RGPD3: variants seen among roughly 807,000 people sequenced by gnomAD.
RGPD3 encodes RANBP2 like and GRIP domain containing 3.
RGPD3 carries 62 observed loss-of-function variants against 154.5 expected under a neutral mutation model. The ratio of observed to expected loss-of-function variants is 0.40; its 90% CI spans 0.33 to 0.50. RGPD3 has a LOEUF of 0.50. Ranked by LOEUF, RGPD3 falls within the 20% of genes least tolerant of loss-of-function variation. The pLI is 0.59. For synonymous variants in RGPD3, 308 were observed against 607.0 expected (o/e 0.51, Z 7.24); for missense variants, 919 against 1,716.8 (o/e 0.54, Z 8.21).
In RGPD3 at chr2:106,409,168, C is replaced by T. The variant is rs1358502605; in HGVS notation, c.5266+3916G>A. On this transcript the variant is annotated intron_variant, in intron 22 of 22. Transcript: ENST00000409886. ...AAAGGTACTTGTTTGCTCTGATGGG[C>T]CCTGTTTCCTTCAGTGCCAGGAAGA... Among the ~76,000 whole-genome samples, 7 of 152,244 alleles carry T rather than the reference C, an allele frequency of 4.6e-5. No homozygotes were observed. The East Asian group carries it at 1.2e-3, about 25-fold the overall frequency.
chr2:106,468,153 C>A (rs569810464), intron 1 of RGPD3, 64 bp downstream of exon 1: 44 of 1,532,534 alleles, frequency 2.9e-5, no homozygotes, highest in African/African-American at 2.0e-4. Context: ...AGGCCGCCGC[C>A]GGGCCGGGTC....
At chr2:106,463,345 G>A (rs185920101) in intron 1 of RGPD3, among the ~76,000 whole-genome samples, 1,768 of 150,668 alleles carry the variant, frequency 0.012, no homozygotes, top group African/African-American at 0.041. Context: ...GCATGGTGGC[G>A]CACACCTGTA....
At chr2:106,468,488 T>TCTTGGCAGCACC (rs1459211573), upstream of RGPD3, 18 of 1,069,196 alleles carry the variant, frequency 1.7e-5, no homozygotes, top group Non-Finnish European at 2.2e-5. Context: ...TCGGCTGGGC[T>TCTTGGCAGCACC]CTTGGCAGCA....
Position 106,404,026 on chromosome 2 carries a change from C to T in RGPD3, c.*1193G>A, listed in dbSNP as rs1233671755. 7.4e-6 allele frequency among the ~76,000 whole-genome samples: 1 copy of T among 135,434 alleles called. No homozygotes were observed. The highest frequency in any genetic ancestry group is 7.3e-5 in the Admixed American group (1 of 13,608). 88.8% of individuals were successfully genotyped at this position (135,434 alleles called of 152,430 possible). A position where few individuals can be genotyped will look rare whatever the true frequency, so the allele number is the denominator to read the frequency against. ...GATCTAGTCATTAAAACATATGCAG[C>T]GGTGTCAAAGGCAAGTAACACTACC... On this transcript the variant is annotated 3_prime_UTR_variant, in exon 23 of 23. Transcript: ENST00000409886.
rs1354733758 is a variant in RGPD3, at chr2:106,439,050, A to G, written c.1194T>C (p.Asp398=). 1 of 297,122 alleles carries G rather than the reference A, an allele frequency of 3.4e-6. No homozygotes were observed. Among genetic ancestry groups the G allele is most frequent in the East Asian group, 7.1e-5 (1 of 13,988 alleles). The allele number at this position is 297,122 out of a possible 1,614,324, so 18.4% of individuals were successfully genotyped here. Residue 398 remains aspartate, a synonymous_variant, in exon 9 of 23, where the codon GAT becomes GAC. Coordinates refer to ENST00000409886, the MANE Select transcript of RGPD3 (RefSeq NM_001144013.2). ...TATCATCGCTACCAAGAAAAGATGT[A>G]TCCTTAGGTGACTGACTAGAAAACA... is the stretch of plus-strand genomic sequence containing the variant. ...DALFSSQSPK[D]TSFLGSDDIG...
chr2:106,448,136 C>A (rs934794427), intron 6 of RGPD3, among the ~76,000 whole-genome samples: 29 of 140,166 alleles, frequency 2.1e-4, no homozygotes, highest in Non-Finnish European at 3.9e-4. Flanking sequence ...GAGACGGAGT[C>A]TCTCACTATC....
At position 106,415,914 on chromosome 2, in the gene RGPD3, T is replaced by A. The variant is rs772513999; in HGVS notation, c.5000A>T (p.Asp1667Val). The change falls in exon 21 of 23, where the codon GAT (aspartate) becomes GTT (valine). Residue 1667 changes from aspartate (D) to valine (V), a missense_variant. Physicochemically the swap from Asp to Val is radical, Grantham distance 152. Coordinates refer to ENST00000409886, the MANE Select transcript of RGPD3 (RefSeq NM_001144013.2). Reference protein sequence around the residue: ...QKLSSTTKSADHLNGLLREIE... With the variant: ...QKLSSTTKSAVHLNGLLREIE... The stretch of plus-strand genomic sequence containing the variant: ...TTCCCGAAGCAGGCCGTTTAAGTGA[T>A]CTGCACTTTTTGTGGTGGAACTGAG... 3.1e-6 allele frequency: 5 copies of A among 1,611,898 alleles called. No individual in the cohort carries two copies. The highest frequency in any genetic ancestry group is 4.2e-6 in the Non-Finnish European group (5 of 1,179,842).
At chr2:106,465,740 T>TA (rs1468748727) in intron 1 of RGPD3, among the ~76,000 whole-genome samples, 1 of 151,580 alleles carries the variant, frequency 6.6e-6, no homozygotes. Flanking sequence ...TTTTTTTTTT[T>TA]AAGCAAAGTC....
rs769258587 is a variant in RGPD3 at position 106,436,236 on chromosome 2, A to G, written c.1645T>C (p.Ser549Pro). The change falls in exon 12 of 23, where the codon TCA becomes CCA. Residue 549 changes from serine to proline, a missense_variant. Ser to Pro is a moderately conservative substitution (Grantham distance 74). Transcript: ENST00000409886. ...TGAACTAGAAGTCTCAATTTTGCTG[A>G]GTTTCCAGGTCTAAAAAATAGTTCA... ...LIHRKAVPGN[S>P]AKLRLLVQHE... The G allele has an allele frequency of 2.5e-6, 4 of 1,611,922 alleles. No individual in the cohort carries two copies. The highest frequency in any genetic ancestry group is 3.4e-6 in the Non-Finnish European group (4 of 1,179,852).
At chr2:106,418,264 A>G (rs1200889628) in intron 20 of RGPD3, among the ~76,000 whole-genome samples, 1 of 147,426 alleles carries the variant, frequency 6.8e-6, no homozygotes, top group Non-Finnish European at 1.5e-5. Context: ...AGTACTACTT[A>G]TTTTTTATTA....
intron 20 of RGPD3, among the ~76,000 whole-genome samples, chr2:106,420,723 CTTT>C (rs534862639): frequency 6.6e-6 from 1 of 152,258 alleles, no homozygotes; most frequent in African/African-American, 2.4e-5. Context: ...ATCTGTTTCC[CTTT>C]TTAACTGTTT....
chr2:106,465,153 C>G lies in RGPD3; in HGVS notation c.72+3064G>C, dbSNP rs1309466748. Among the ~76,000 whole-genome samples the G allele has an allele frequency of 2.0e-5, 3 of 150,786 alleles. No individual in the cohort carries two copies. In the Admixed American group the frequency reaches 2.0e-4, roughly 10 times the overall value. On this transcript the variant is annotated intron_variant, in intron 1 of 22. Coordinates refer to ENST00000409886, the MANE Select transcript of RGPD3 (RefSeq NM_001144013.2). The stretch of plus-strand genomic sequence containing the variant: ...TGGGCAGTTCACAGATGGCCAGCCT[C>G]TGCCAAACTGGGGGAGAATACTAAC...
chr2:106,449,888 G>A (rs1425412797), intron 6 of RGPD3, among the ~76,000 whole-genome samples: 2 of 151,910 alleles, frequency 1.3e-5, no homozygotes, highest in African/African-American at 4.8e-5. Context: ...GTGGTGGCAG[G>A]CACCTGTAGG....
chr2:106,468,035 A>T (rs990106758), intron 1 of RGPD3, among the ~76,000 whole-genome samples, 182 bp downstream of exon 1: 1 of 142,904 alleles, frequency 7.0e-6, no homozygotes, highest in African/African-American at 2.7e-5. Context: ...GTCGGGAGCC[A>T]TGACGCCTGA....
Position 106,436,526 on chromosome 2 carries a change from G to A in RGPD3, c.1522C>T (p.His508Tyr). ...LQLKEKCNSH[H>Y]SSYQPLCLPL... ...AGGCATAACGGCTGATAGGAGCTGT[G>A]GTGAGAATTACATTTCTCCTTTAAT... is the stretch of plus-strand genomic sequence containing the variant. The change falls in exon 11 of 23, where the codon CAC becomes TAC. Residue 508 changes from histidine to tyrosine, a missense_variant. His to Tyr is a moderately conservative substitution (Grantham distance 83). Transcript: ENST00000409886. The A allele has an allele frequency of 6.2e-7, 1 of 1,611,630 alleles. No individual in the cohort carries two copies. The highest frequency in any genetic ancestry group is 8.5e-7 in the Non-Finnish European group (1 of 1,179,756).
chr2:106,448,895 G>T (rs1392391952), intron 6 of RGPD3, among the ~76,000 whole-genome samples: 2 of 150,554 alleles, frequency 1.3e-5, no homozygotes, highest in African/African-American at 2.4e-5. Flanking sequence ...TTTCACCATT[G>T]TTAGCTGGGA....
Position 106,468,232 on chromosome 2 carries a change from G to T in RGPD3, c.57C>A (p.Ala19=), listed in dbSNP as rs1207436017. The T allele has an allele frequency of 1.2e-5, 19 of 1,606,992 alleles. No individual in the cohort carries two copies. The highest frequency in any genetic ancestry group is 1.4e-5 in the Non-Finnish European group (16 of 1,177,874). Residue 19 remains alanine (A), a synonymous_variant, in exon 1 of 23, where the codon GCC becomes GCA. Transcript: ENST00000409886. ...ACCCACTCACCTTTCGAGGCGACGG[G>T]GCGGAGCCCTGCACCGAGGCGACGT... is the stretch of plus-strand genomic sequence containing the variant. ...ERYVASVQGS[A]PSPRKKSTRG... is the part of the protein sequence containing the mutation.
intron 20 of RGPD3, 85 bp downstream of exon 20, chr2:106,422,958 C>T: frequency 1.3e-6 from 2 of 1,597,746 alleles, no homozygotes; most frequent in Admixed American, 1.7e-5. Flanking sequence ...CATATCCCAA[C>T]ATTAGTATCC....
At chr2:106,417,856 G>A (rs558601453) in intron 20 of RGPD3, among the ~76,000 whole-genome samples, 67 of 151,164 alleles carry the variant, frequency 4.4e-4, no homozygotes, top group African/African-American at 1.4e-3. Flanking sequence ...AAGGCCGGGC[G>A]TGGTGGCTCA....
Sources: gnomAD v4.1 joint callset for allele counts (sites outside exome capture counted in the v4.1 genomes callset) on GRCh38, gnomAD v4.1.1 for gene constraint, MANE v1.5 for transcripts, NCBI Gene and HGNC (gene_info 2026-07-23, HGNC 2026-07-21) for gene names.